Variants in CDON observed in about 807,000 individuals in gnomAD.
The protein encoded by CDON is cell adhesion associated, oncogene regulated.
CDON carries 73 observed loss-of-function variants against 120.9 expected under a neutral mutation model. That is an observed-to-expected ratio of 0.60 (90% CI 0.50 to 0.73). CDON has a LOEUF of 0.73. Ranked by LOEUF, CDON falls within the 30% of genes least tolerant of loss-of-function variation. The pLI, the probability that CDON is intolerant of heterozygous loss-of-function variation, is 0.00. For synonymous variants in CDON, 566 were observed against 573.5 expected (o/e 0.99, Z 0.19); for missense variants, 1,470 against 1,587.3 (o/e 0.93, Z 1.26).
At position 126,052,120 on chromosome 11, in the gene CDON, C is replaced by CA. The variant is rs72072070; in HGVS notation, c.-62+10458dup. Among the ~76,000 whole-genome samples the CA allele has an allele frequency of 1.2e-4, 18 of 151,062 alleles. 1 individual carries two copies. In the East Asian group the frequency reaches 1.7e-3, roughly 15 times the overall value. On this transcript the variant is annotated intron_variant, in intron 1 of 19. Transcript: ENST00000531738. ...CAAAACAAAACAAAACAAAACAAAA[C>CA]AAAAAAAACTTTAGCTCTAAATGTA...
intron 18 of CDON, among the ~76,000 whole-genome samples, chr11:125,969,473 GCA>G (rs1247506538): frequency 1.3e-5 from 2 of 152,158 alleles, no homozygotes; most frequent in African/African-American, 2.4e-5. Flanking sequence ...CTCTCACAAT[GCA>G]CATTTTACAG....
At chr11:126,029,165 T>C (rs946701127) in intron 1 of CDON, among the ~76,000 whole-genome samples, 1 of 152,220 alleles carries the variant, frequency 6.6e-6, no homozygotes, top group Non-Finnish European at 1.5e-5. Context: ...ACTAAAATAC[T>C]TGCTAAGGCA....
At chr11:125,984,763 T>C (rs944734337) in intron 15 of CDON, among the ~76,000 whole-genome samples, 12 of 152,122 alleles carry the variant, frequency 7.9e-5, no homozygotes, top group Non-Finnish European at 1.6e-4. Flanking sequence ...TCAGATACAC[T>C]TTGAGCTAAA....
intron 7 of CDON, among the ~76,000 whole-genome samples, chr11:126,011,196 G>GT (rs1225013245): frequency 1.2e-4 from 18 of 152,164 alleles, no homozygotes; most frequent in Non-Finnish European, 1.9e-4. Context: ...ATACCTGTAT[G>GT]TTTTTTCCCA....
intron 15 of CDON, among the ~76,000 whole-genome samples, chr11:125,985,391 G>A (rs1442337287): frequency 6.6e-6 from 1 of 152,148 alleles, no homozygotes; most frequent in Non-Finnish European, 1.5e-5. Context: ...TGGCCAGGCT[G>A]GTCTCAAACT....
At chr11:125,985,426 C>T (rs371204118) in intron 15 of CDON, among the ~76,000 whole-genome samples, 3 of 152,194 alleles carry the variant, frequency 2.0e-5, no homozygotes, top group East Asian at 1.9e-4. Context: ...GTGATCCGCC[C>T]GCCTTGGCCT....
chr11:125,976,142 T>A (rs1279179097), intron 18 of CDON, among the ~76,000 whole-genome samples: 1 of 152,232 alleles, frequency 6.6e-6, no homozygotes, highest in East Asian at 1.9e-4. Flanking sequence ...TTTTTACAAA[T>A]TTTGTCATTT....
chr11:126,040,299 T>C (rs1339021098), intron 1 of CDON, among the ~76,000 whole-genome samples: 1 of 152,182 alleles, frequency 6.6e-6, no homozygotes, highest in Non-Finnish European at 1.5e-5. Context: ...GTCAGTTCCA[T>C]AAGAAACGGG....
At chr11:125,991,574 T>C (rs1345941179) in intron 14 of CDON, among the ~76,000 whole-genome samples, 1 of 152,164 alleles carries the variant, frequency 6.6e-6, no homozygotes, top group Admixed American at 6.5e-5. Flanking sequence ...GTCCTTCTCT[T>C]ACTGTACTCT....
chr11:126,005,641 A>C (rs1185189106), intron 9 of CDON, 118 bp downstream of exon 9: 12 of 921,436 alleles, frequency 1.3e-5, no homozygotes, highest in Non-Finnish European at 1.8e-5. Flanking sequence ...CAAACTCATC[A>C]GTCTGGAAGA....
In CDON at chr11:125,959,670, ACACT is replaced by A. The variant is rs765296530; in HGVS notation, c.*1268_*1271del. ...TTTCTTCCAAAGTAAGTCTTTTCTG[ACACT>A]CACCCCTGCAGGCCGTTGCCTATGC... On this transcript the variant is annotated 3_prime_UTR_variant, in exon 20 of 20. Coordinates refer to ENST00000531738, the MANE Select transcript of CDON (RefSeq NM_001378964.1). The A allele has an allele frequency of 1.3e-5, 2 of 152,180 alleles. No homozygotes were observed. The highest frequency in any genetic ancestry group is 4.8e-5 in the African/African-American group (2 of 41,440). 9.4% of individuals were successfully genotyped at this position (152,180 alleles called of 1,614,324 possible).
Position 126,015,257 on chromosome 11 carries a change from T to G in CDON, c.1182A>C (p.Arg394Ser). Residue 394 changes from arginine (R) to serine (S), a missense_variant, in exon 7 of 20, where the codon AGA (arginine) becomes AGC (serine). By Grantham distance (110) the Arg-to-Ser change is moderately radical. Transcript: ENST00000531738. The part of the protein sequence containing the change: ...NGIGFMHSTG[R>S]LEIENDGGFK... ...AAAGCCTACCATTTTCAATTTCAAG[T>G]CTTCCAGTAGAGTGCATAAATCCAA... 1 of 1,613,854 alleles carries G rather than the reference T, an allele frequency of 6.2e-7. No individual in the cohort carries two copies. Among genetic ancestry groups the G allele is most frequent in the Non-Finnish European group, 8.5e-7 (1 of 1,179,776 alleles).
At chr11:125,980,864 C>G (rs964073353) in intron 17 of CDON, among the ~76,000 whole-genome samples, 185 bp downstream of exon 17, 7 of 152,176 alleles carry the variant, frequency 4.6e-5, no homozygotes, top group African/African-American at 1.7e-4. Context: ...ATAACTATTA[C>G]CTGGCAATAG....
At chr11:126,033,301 G>A (rs1374875770) in intron 1 of CDON, among the ~76,000 whole-genome samples, 2 of 152,082 alleles carry the variant, frequency 1.3e-5, no homozygotes, top group African/African-American at 2.4e-5. Context: ...GGAGCTGGAG[G>A]TAAGTGGGGT....
intron 7 of CDON, among the ~76,000 whole-genome samples, chr11:126,012,598 G>A (rs867134076): frequency 4.0e-5 from 6 of 149,310 alleles, no homozygotes; most frequent in East Asian, 2.0e-4. Flanking sequence ...TAGTAGAGAC[G>A]GGGTTTCACT....
intron 18 of CDON, among the ~76,000 whole-genome samples, chr11:125,973,016 G>GTTTTTTTTTTTTTT (rs1946046616): frequency 2.0e-4 from 14 of 70,640 alleles, no homozygotes; most frequent in South Asian, 4.9e-4. Context: ...CAATTACTTG[G>GTTTTTTTTTTTTTT]TCTTTTTTTT....
chr11:125,982,435 G>C (rs1299731473), intron 16 of CDON, among the ~76,000 whole-genome samples: 2 of 152,162 alleles, frequency 1.3e-5, no homozygotes, highest in Admixed American at 6.5e-5. Flanking sequence ...TTCTTCGAAG[G>C]TAGGAGAGCT....
intron 17 of CDON, 38 bp downstream of exon 17, chr11:125,981,011 G>C (rs540968124): frequency 6.2e-7 from 1 of 1,610,526 alleles, no homozygotes; most frequent in African/African-American, 1.3e-5. Flanking sequence ...GGCACCCTGA[G>C]GGACAGAGGG....
intron 1 of CDON, among the ~76,000 whole-genome samples, chr11:126,050,529 C>CAT (rs1388562175): frequency 1.4e-5 from 2 of 139,136 alleles, no homozygotes; most frequent in Non-Finnish European, 3.2e-5. Context: ...CACACACACA[C>CAT]ACAAACAAAA....
Sources: allele counts gnomAD v4.1 joint callset (sites outside exome capture counted in the v4.1 genomes callset), GRCh38; gene constraint gnomAD v4.1.1; transcripts MANE v1.5; gene names NCBI Gene and HGNC (gene_info 2026-07-23, HGNC 2026-07-21).